PPARGC1A: variants seen among roughly 807,000 people sequenced by gnomAD.
The protein encoded by PPARGC1A is peroxisome proliferator-activated receptor gamma coactivator 1-alpha.
A neutral mutation model predicts 88.7 loss-of-function variants in PPARGC1A; 25 were observed. That is an observed-to-expected ratio of 0.28 (90% CI 0.21 to 0.39). The LOEUF (loss-of-function observed/expected upper bound fraction) is 0.39. Among genes scored for constraint, PPARGC1A ranks in the 10% least tolerant of loss-of-function variants. PPARGC1A has a pLI of 1.00. For synonymous variants in PPARGC1A, 363 were observed against 355.6 expected (o/e 1.02, Z -0.24); for missense variants, 880 against 968.7 (o/e 0.91, Z 1.22).
chr4:24,383,895 G>A, the PPARGC1A span, among the ~76,000 whole-genome samples: 10 of 152,046 alleles, frequency 6.6e-5, no homozygotes, highest in African/African-American at 2.2e-4. Flanking sequence ...GATACTTCTC[G>A]AGAAGAGCAA....
At chr4:24,026,530 C>T in the PPARGC1A span, among the ~76,000 whole-genome samples, 1 of 152,076 alleles carries the variant, frequency 6.6e-6, no homozygotes, top group African/African-American at 2.4e-5. Flanking sequence ...AAACCTCTTT[C>T]TAAATCAGTA....
the PPARGC1A span, among the ~76,000 whole-genome samples, chr4:24,358,916 C>A: frequency 6.6e-6 from 1 of 152,176 alleles, no homozygotes; most frequent in Admixed American, 6.5e-5. Flanking sequence ...TGTTCCACAC[C>A]CATTTTCCCA....
the PPARGC1A span, among the ~76,000 whole-genome samples, chr4:24,264,606 G>A: frequency 1.3e-5 from 2 of 152,222 alleles, 1 homozygote; most frequent in Admixed American, 1.3e-4. Flanking sequence ...ACCTTCATTG[G>A]CAACATGCGG....
chr4:24,148,839 C>T, the PPARGC1A span, among the ~76,000 whole-genome samples: 4 of 152,320 alleles, frequency 2.6e-5, no homozygotes, highest in Middle Eastern at 3.4e-3. Flanking sequence ...ATGAAAAATA[C>T]GTCTTCTCCA....
intron 12 of PPARGC1A, among the ~76,000 whole-genome samples, chr4:23,796,132 G>A (rs532380812): frequency 1.4e-4 from 22 of 152,148 alleles, no homozygotes; most frequent in Admixed American, 1.2e-3. Context: ...CTGTTGACTC[G>A]TTTAGGCTTA....
At chr4:23,995,207 T>G in the PPARGC1A span, among the ~76,000 whole-genome samples, 11 of 152,130 alleles carry the variant, frequency 7.2e-5, no homozygotes, top group Non-Finnish European at 1.3e-4. Context: ...TATCTTGGGC[T>G]ACACAGTAGA....
chr4:23,814,682 A>T (rs1721627424), intron 7 of PPARGC1A, 77 bp from the exon 8 acceptor site: 1 of 1,286,174 alleles, frequency 7.8e-7, no homozygotes, highest in African/African-American at 1.5e-5. Context: ...AAATGCGAAG[A>T]CACATGTTTC....
chr4:24,101,291 C>T, the PPARGC1A span, among the ~76,000 whole-genome samples: 6 of 152,190 alleles, frequency 3.9e-5, no homozygotes, highest in Admixed American at 6.5e-5. Flanking sequence ...GCTTCTCCTG[C>T]GCCTTCTGCC....
At chr4:23,818,641 C>G (rs899720186) in intron 7 of PPARGC1A, among the ~76,000 whole-genome samples, 2 of 151,876 alleles carry the variant, frequency 1.3e-5, no homozygotes, top group Non-Finnish European at 2.9e-5. Flanking sequence ...GTGGTACATA[C>G]TCTACAGTCA....
the PPARGC1A span, among the ~76,000 whole-genome samples, chr4:24,357,661 C>T: frequency 1.3e-5 from 2 of 152,168 alleles, no homozygotes; most frequent in East Asian, 3.9e-4. Context: ...TCCCATAATT[C>T]CCACAGGTTG....
the PPARGC1A span, among the ~76,000 whole-genome samples, chr4:24,441,402 A>G: frequency 6.6e-6 from 1 of 152,206 alleles, no homozygotes; most frequent in Non-Finnish European, 1.5e-5. Context: ...CTGGGAGGAC[A>G]TCAGAATCAG....
At chr4:24,213,245 C>T in the PPARGC1A span, among the ~76,000 whole-genome samples, 1 of 149,016 alleles carries the variant, frequency 6.7e-6, no homozygotes. Flanking sequence ...CGGCTCACTG[C>T]AAGTTCCGCC....
chr4:24,287,422 G>A, the PPARGC1A span, among the ~76,000 whole-genome samples: 2 of 151,950 alleles, frequency 1.3e-5, no homozygotes, highest in African/African-American at 4.8e-5. Context: ...ACTTAATATT[G>A]ACCCTTTGGT....
At chr4:24,167,513 A>G in the PPARGC1A span, among the ~76,000 whole-genome samples, 1 of 152,222 alleles carries the variant, frequency 6.6e-6, no homozygotes, top group Non-Finnish European at 1.5e-5. Flanking sequence ...AAATGTTATC[A>G]GAAGGCATTA....
chr4:23,901,609 C>T (rs1195220012), upstream of PPARGC1A, among the ~76,000 whole-genome samples: 1 of 151,154 alleles, frequency 6.6e-6, no homozygotes, highest in Non-Finnish European at 1.5e-5. Context: ...TGAAAACTGA[C>T]AAGACAGCAT....
chr4:23,811,338 T>C (rs1160636679), intron 10 of PPARGC1A, among the ~76,000 whole-genome samples: 1 of 152,208 alleles, frequency 6.6e-6, no homozygotes, highest in East Asian at 1.9e-4. Context: ...TCAAAAATCA[T>C]TTCCCTAAGC....
the PPARGC1A span, among the ~76,000 whole-genome samples, chr4:24,002,517 A>ACAGC: frequency 7.9e-5 from 12 of 152,094 alleles, no homozygotes; most frequent in African/African-American, 2.9e-4. Flanking sequence ...TGCTATTGAA[A>ACAGC]CAGCCGCAAA....
chr4:24,016,947 A>G, the PPARGC1A span, among the ~76,000 whole-genome samples: 2 of 152,128 alleles, frequency 1.3e-5, no homozygotes, highest in Non-Finnish European at 2.9e-5. Context: ...CTTTTAGTGG[A>G]GAAGAAAGGG....
At chr4:24,175,366 CTT>C in the PPARGC1A span, among the ~76,000 whole-genome samples, 4 of 135,318 alleles carry the variant, frequency 3.0e-5, no homozygotes, top group South Asian at 2.4e-4. Flanking sequence ...TTTTTTTTCT[CTT>C]TGTTTCGTTT....
Sources: allele counts gnomAD v4.1 joint callset (sites outside exome capture counted in the v4.1 genomes callset), GRCh38; gene constraint gnomAD v4.1.1; transcripts MANE v1.5; gene names NCBI Gene and HGNC (gene_info 2026-07-23, HGNC 2026-07-21).